The following TXNDC16 variants were observed in gnomAD, a reference collection of about 807,000 sequenced individuals.
The protein encoded by TXNDC16 is thioredoxin domain-containing protein 16.
A neutral mutation model predicts 85.6 loss-of-function variants in TXNDC16; 74 were observed. The observed-to-expected ratio is 0.86, with a 90% confidence interval of 0.72 to 1.05. The LOEUF is 1.05. Ranked by LOEUF, TXNDC16 falls within the 50% of genes least tolerant of loss-of-function variation. The pLI is 0.00. For missense variants in TXNDC16, 959 were observed against 947.0 expected, an observed-to-expected ratio of 1.01 and a Z score of -0.17; for synonymous variants, 335 against 326.5, an observed-to-expected ratio of 1.03 and a Z score of -0.28.
chr14:52,530,755 G>T (rs2037553782), intron 6 of TXNDC16, among the ~76,000 whole-genome samples: 1 of 145,822 alleles, frequency 6.9e-6, no homozygotes, highest in Non-Finnish European at 1.5e-5. Context: ...ACGTCAGTAT[G>T]TCTCTGTGTA....
intron 20 of TXNDC16, among the ~76,000 whole-genome samples, chr14:52,436,341 C>T (rs1042848641): frequency 6.6e-6 from 1 of 152,092 alleles, no homozygotes; most frequent in Non-Finnish European, 1.5e-5. Flanking sequence ...TTATATGATA[C>T]CATTTATATG....
intron 12 of TXNDC16, among the ~76,000 whole-genome samples, chr14:52,484,347 G>A (rs917487111): frequency 6.6e-6 from 1 of 152,122 alleles, no homozygotes; most frequent in Non-Finnish European, 1.5e-5. Flanking sequence ...GGAGAGAGAA[G>A]ACAATACATT....
chr14:52,476,071 G>A (rs1307670405), intron 14 of TXNDC16, among the ~76,000 whole-genome samples: 2 of 152,190 alleles, frequency 1.3e-5, no homozygotes, highest in African/African-American at 4.8e-5. Flanking sequence ...AGATCCAGAA[G>A]GGGGATAACA....
At chr14:52,531,028 T>C (rs1011383499) in intron 6 of TXNDC16, among the ~76,000 whole-genome samples, 5 of 151,936 alleles carry the variant, frequency 3.3e-5, no homozygotes, top group African/African-American at 1.2e-4. Flanking sequence ...ACCAAAGACC[T>C]TGACCTCATC....
chr14:52,450,629 T>C (rs1438257790), intron 18 of TXNDC16, among the ~76,000 whole-genome samples: 1 of 151,998 alleles, frequency 6.6e-6, no homozygotes, highest in East Asian at 1.9e-4. Flanking sequence ...GGCATGGATG[T>C]GGTGAAAAGG....
chr14:52,500,806 GAACA>G (rs896483243), intron 9 of TXNDC16, among the ~76,000 whole-genome samples: 5 of 152,016 alleles, frequency 3.3e-5, no homozygotes, highest in Admixed American at 6.6e-5. Context: ...ACAGCTAGAT[GAACA>G]AACAAAAAAT....
At chr14:52,458,217 G>C (rs542847701) in intron 16 of TXNDC16, among the ~76,000 whole-genome samples, 14 of 152,166 alleles carry the variant, frequency 9.2e-5, no homozygotes, top group Non-Finnish European at 1.8e-4. Context: ...AAACTTACTA[G>C]AGTAGCTCAG....
intron 9 of TXNDC16, among the ~76,000 whole-genome samples, chr14:52,497,545 A>AAT (rs1297847362): frequency 3.3e-5 from 5 of 152,234 alleles, no homozygotes; most frequent in Non-Finnish European, 7.3e-5. Context: ...CAGTATGAGC[A>AAT]ATATCCCTAA....
chr14:52,540,346 T>C (rs2037800206), intron 4 of TXNDC16, among the ~76,000 whole-genome samples: 1 of 152,200 alleles, frequency 6.6e-6, no homozygotes. Context: ...TTCAATGGGC[T>C]AGGCGCGGTG....
intron 7 of TXNDC16, among the ~76,000 whole-genome samples, chr14:52,518,908 T>C (rs2037145507): frequency 6.6e-6 from 1 of 152,140 alleles, no homozygotes; most frequent in African/African-American, 2.4e-5. Flanking sequence ...ATTTTCCCCA[T>C]CTTAATCACT....
At chr14:52,432,689 G>A in intron 20 of TXNDC16, 102 bp from the exon 21 acceptor site, 1 of 1,168,482 alleles carries the variant, frequency 8.6e-7, no homozygotes, top group Non-Finnish European at 1.1e-6. Flanking sequence ...TTGTAGAAGT[G>A]AAAGTTTTAT....
chr14:52,510,851 A>G lies in TXNDC16; in HGVS notation c.756+389T>C, dbSNP rs140985126. On this transcript the variant is annotated intron_variant, in intron 9 of 20. Coordinates refer to ENST00000281741, the MANE Select transcript of TXNDC16 (RefSeq NM_020784.3). ...TCTAATATCTACCAACTTTTAAAAT[A>G]GTGATCAAAGCATTCATAAAAGAGG... Among the ~76,000 whole-genome samples, 674 of 152,330 alleles carry G rather than the reference A, an allele frequency of 4.4e-3. 5 individuals carry two copies. Among genetic ancestry groups the G allele is most frequent in the Non-Finnish European group, 7.1e-3 (481 of 68,018 alleles).
chr14:52,447,823 A>C (rs936026781), intron 18 of TXNDC16, among the ~76,000 whole-genome samples: 2 of 152,176 alleles, frequency 1.3e-5, no homozygotes, highest in African/African-American at 4.8e-5. Flanking sequence ...GAATTCTACC[A>C]GATAAATTTA....
chr14:52,444,596 C>A (rs2140105283), intron 18 of TXNDC16, among the ~76,000 whole-genome samples: 1 of 152,212 alleles, frequency 6.6e-6, no homozygotes, highest in East Asian at 1.9e-4. Flanking sequence ...TGTCACAATG[C>A]ATATTACATT....
In TXNDC16 at chr14:52,452,151, CTA is replaced by C. The variant is rs540035362; in HGVS notation, c.1842+3171_1842+3172del. On this transcript the variant is annotated intron_variant, in intron 18 of 20. Transcript: ENST00000281741. ...AAGTGAAAGATCTCTACGATGAAAA[CTA>C]TAATACATTGATGTAAGAAACTGAA... 7.9e-5 allele frequency among the ~76,000 whole-genome samples: 12 copies of C among 152,192 alleles called. No homozygotes were observed. In the South Asian group the frequency reaches 2.1e-3, roughly 26 times the overall value.
chr14:52,470,583 G>A lies in TXNDC16; in HGVS notation c.1410C>T (p.Tyr470=). The change falls in exon 15 of 21, where the codon TAC becomes TAT. Residue 470 remains tyrosine (Y), a synonymous_variant. Coordinates refer to ENST00000281741, the MANE Select transcript of TXNDC16 (RefSeq NM_020784.3). ...NVTEFPIIKM[Y]KKGENPVSYA... ...AAGATACTGGGTTCTCGCCTTTCTTGTACATCTTTATGATAGGAAATTCAG... is the reference window on the plus strand; with the variant it reads ...AAGATACTGGGTTCTCGCCTTTCTTATACATCTTTATGATAGGAAATTCAG... 6.2e-7 allele frequency: 1 copy of A among 1,613,882 alleles called. No individual in the cohort carries two copies. Among genetic ancestry groups the A allele is most frequent in the Non-Finnish European group, 8.5e-7 (1 of 1,179,898 alleles).
intron 18 of TXNDC16, among the ~76,000 whole-genome samples, chr14:52,452,973 T>C (rs182492951): frequency 6.6e-6 from 1 of 152,206 alleles, no homozygotes; most frequent in Admixed American, 6.5e-5. Context: ...AAAGAACTGA[T>C]ACAACTCTGT....
intron 16 of TXNDC16, among the ~76,000 whole-genome samples, chr14:52,466,962 C>T (rs1048256832): frequency 4.0e-5 from 6 of 151,532 alleles, no homozygotes; most frequent in Admixed American, 6.6e-5. Context: ...GTATAAATTA[C>T]TAATGTTCAC....
intron 9 of TXNDC16, among the ~76,000 whole-genome samples, chr14:52,503,814 T>C (rs1311355349): frequency 6.6e-6 from 1 of 152,050 alleles, no homozygotes; most frequent in Non-Finnish European, 1.5e-5. Context: ...GGCAAAGAAG[T>C]TAAAAACCTT....
Sources: gnomAD v4.1 joint callset for allele counts (sites outside exome capture counted in the v4.1 genomes callset) on GRCh38, gnomAD v4.1.1 for gene constraint, MANE v1.5 for transcripts, NCBI Gene and HGNC (gene_info 2026-07-23, HGNC 2026-07-21) for gene names.